Variants in EEIG1 observed in about 807,000 individuals in gnomAD.
The protein encoded by EEIG1 is estrogen-induced osteoclastogenesis regulator 1.
the EEIG1 span, among the ~76,000 whole-genome samples, chr9:127,954,094 AGTT>A: frequency 1.3e-5 from 2 of 152,244 alleles, no homozygotes; most frequent in Admixed American, 6.5e-5. Context: ...GTACTCGTGT[AGTT>A]GTTGTAAAAA....
At chr9:127,942,928 C>T in the EEIG1 span, 22 of 516,860 alleles carry the variant, frequency 4.3e-5, no homozygotes, top group East Asian at 7.4e-4. Flanking sequence ...CTGCACGGGC[C>T]CGCCTGGCCT....
chr9:127,967,765 G>A, the EEIG1 span, among the ~76,000 whole-genome samples: 1 of 152,110 alleles, frequency 6.6e-6, no homozygotes, highest in Admixed American at 6.6e-5. Context: ...GGCCTCAGTC[G>A]CAGTTCTGTC....
the EEIG1 span, among the ~76,000 whole-genome samples, chr9:127,969,337 A>T: frequency 6.6e-6 from 1 of 152,192 alleles, no homozygotes; most frequent in Admixed American, 6.5e-5. Context: ...GGATAGGTGA[A>T]CCACAGGAAG....
the EEIG1 span, among the ~76,000 whole-genome samples, chr9:127,968,875 C>G: frequency 6.6e-6 from 1 of 152,200 alleles, no homozygotes; most frequent in African/African-American, 2.4e-5. Flanking sequence ...ACTCACTGGT[C>G]TCCACCTCCT....
the EEIG1 span, among the ~76,000 whole-genome samples, chr9:127,963,900 G>A: frequency 1.1e-3 from 175 of 152,324 alleles, no homozygotes; most frequent in South Asian, 2.3e-3. Context: ...GAAGGAGAAG[G>A]AGCTACAAGG....
the EEIG1 span, chr9:127,945,290 A>G: frequency 8.5e-7 from 1 of 1,181,184 alleles, no homozygotes; most frequent in Non-Finnish European, 1.2e-6. This position sits in a 1 kb window ranked among gnomAD's most constrained non-coding sequence, Gnocchi z 6.5. Flanking sequence ...TCCCTGTGTT[A>G]TAGGTAAAGA....
the EEIG1 span, chr9:127,944,591 G>A: frequency 7.3e-6 from 11 of 1,497,242 alleles, no homozygotes; most frequent in South Asian, 1.1e-5. Context: ...CCGCCCCGAC[G>A]ACCCCTCCCT....
chr9:127,947,639 G>A, the EEIG1 span, among the ~76,000 whole-genome samples: 2 of 152,156 alleles, frequency 1.3e-5, no homozygotes, highest in Admixed American at 6.5e-5. Flanking sequence ...CTCCCAGCAC[G>A]TCCCTCTGCC....
chr9:127,944,588 G>A, the EEIG1 span: 24 of 1,146,360 alleles, frequency 2.1e-5, no homozygotes, highest in African/African-American at 3.1e-5. Context: ...CAGCCGCCCC[G>A]ACGACCCCTC....
At chr9:127,970,791 C>T in the EEIG1 span, among the ~76,000 whole-genome samples, 1 of 152,254 alleles carries the variant, frequency 6.6e-6, no homozygotes, top group Admixed American at 6.5e-5. Flanking sequence ...CCGCTCAGCA[C>T]GCTCGCCCTT....
chr9:127,946,950 G>A, the EEIG1 span, among the ~76,000 whole-genome samples: 1 of 152,088 alleles, frequency 6.6e-6, no homozygotes, highest in Admixed American at 6.5e-5. Flanking sequence ...TCATACCTCT[G>A]GGGGCCCTGC....
At chr9:127,950,348 A>G in the EEIG1 span, 10 of 1,471,744 alleles carry the variant, frequency 6.8e-6, no homozygotes, top group Non-Finnish European at 9.5e-6. Context: ...ACCCTCCTCC[A>G]GAGGATTCTG....
At chr9:127,979,606 G>C in the EEIG1 span, among the ~76,000 whole-genome samples, 1 of 152,356 alleles carries the variant, frequency 6.6e-6, no homozygotes, top group South Asian at 2.1e-4. Context: ...GGAACCCGTG[G>C]CTGGCCTGGA....
chr9:127,945,613 A>C, the EEIG1 span: 7 of 1,564,518 alleles, frequency 4.5e-6, no homozygotes, highest in Non-Finnish European at 5.2e-6. The surrounding 1 kb of genome is among the most constrained non-coding windows in gnomAD (Gnocchi z 6.5). Flanking sequence ...CCGAGGAAGG[A>C]GGAGGCCACG....
the EEIG1 span, chr9:127,943,777 C>A: frequency 6.4e-6 from 1 of 156,662 alleles, no homozygotes; most frequent in African/African-American, 2.4e-5. Context: ...AAGCCAGCCC[C>A]TCAGTTTCCT....
At chr9:127,948,332 CTCCCA>C in the EEIG1 span, 1 of 1,613,446 alleles carries the variant, frequency 6.2e-7, no homozygotes, top group Non-Finnish European at 8.5e-7. Context: ...CGGGACTGGG[CTCCCA>C]TCCGCTCCCT....
At chr9:127,972,825 C>T in the EEIG1 span, among the ~76,000 whole-genome samples, 1 of 152,154 alleles carries the variant, frequency 6.6e-6, no homozygotes. The surrounding 1 kb of genome is among the most constrained non-coding windows in gnomAD (Gnocchi z 4.3). Context: ...CCAAAAGAGG[C>T]TCAGGGCAAA....
the EEIG1 span, chr9:127,944,422 G>A: frequency 1.6e-6 from 1 of 607,062 alleles, no homozygotes; most frequent in Non-Finnish European, 2.9e-6. Context: ...CACTGCCCCA[G>A]GCTCCCAGGT....
the EEIG1 span, among the ~76,000 whole-genome samples, chr9:127,965,314 C>A: frequency 6.6e-6 from 1 of 152,078 alleles, no homozygotes; most frequent in South Asian, 2.1e-4. Context: ...GGTGTGACAA[C>A]CGAAAATGTC....
Sources: gnomAD v4.1 joint callset for allele counts (sites outside exome capture counted in the v4.1 genomes callset) on GRCh38, gnomAD v4.1.1 for gene constraint, Gnocchi (gnomAD v3.1) non-coding constraint, MANE v1.5 for transcripts, NCBI Gene and HGNC (gene_info 2026-07-23, HGNC 2026-07-21) for gene names.